Variants in ZNF385D observed in about 807,000 individuals in gnomAD.
The protein encoded by ZNF385D is zinc finger protein 659.
ZNF385D carries 15 observed loss-of-function variants against 35.8 expected under a neutral mutation model. That is an observed-to-expected ratio of 0.42 (90% confidence interval 0.28 to 0.64). ZNF385D has a LOEUF of 0.64. ZNF385D is among the 30% of genes least tolerant of loss of function. The probability of loss-of-function intolerance (pLI) is 0.23; values close to 1 mark genes in which losing one functional copy is unlikely to be tolerated. For synonymous variants in ZNF385D, 212 were observed against 186.8 expected (o/e 1.13, Z -1.10); for missense variants, 474 against 494.6 (o/e 0.96, Z 0.39).
chr3:22,122,577 TA>T (rs1703148084), intron 3 of ZNF385D, among the ~76,000 whole-genome samples: 1 of 152,188 alleles, frequency 6.6e-6, no homozygotes, highest in Admixed American at 6.5e-5. Flanking sequence ...TCTGCATTTG[TA>T]GAGCTTAATT....
chr3:21,962,008 A>G (rs1702623393), intron 3 of ZNF385D, among the ~76,000 whole-genome samples: 2 of 152,170 alleles, frequency 1.3e-5, no homozygotes, highest in Admixed American at 1.3e-4. Flanking sequence ...TAAGGAAGTG[A>G]GCCTTAATCC....
chr3:21,957,920 T>C (rs1236036476), intron 3 of ZNF385D, among the ~76,000 whole-genome samples: 1 of 152,130 alleles, frequency 6.6e-6, no homozygotes, highest in Non-Finnish European at 1.5e-5. Context: ...AATGTACTAA[T>C]GTACCACTAA....
At chr3:21,557,458 G>C (rs985747484) in intron 3 of ZNF385D, among the ~76,000 whole-genome samples, 1 of 152,128 alleles carries the variant, frequency 6.6e-6, no homozygotes, top group Non-Finnish European at 1.5e-5. Flanking sequence ...TTATGTGATA[G>C]GTTACGTATA....
At chr3:21,439,219 AT>A (rs984623247) in intron 4 of ZNF385D, among the ~76,000 whole-genome samples, 73 of 151,276 alleles carry the variant, frequency 4.8e-4, no homozygotes, top group African/African-American at 1.7e-3. Context: ...AGTTAAGAAA[AT>A]TTCCCAAGGA....
At chr3:21,946,637 G>T (rs181536729) in intron 3 of ZNF385D, among the ~76,000 whole-genome samples, 37 of 152,210 alleles carry the variant, frequency 2.4e-4, no homozygotes, top group African/African-American at 8.7e-4. Context: ...TTGGAGACCA[G>T]CCTGGCTAAC....
rs143440188 is a variant in ZNF385D at position 21,818,237 on chromosome 3, A to C, written c.326-153209T>G. Among the ~76,000 whole-genome samples the C allele has an allele frequency of 2.6e-3, 392 of 152,302 alleles. 8 individuals are homozygous for C. The East Asian group carries it at 0.066, about 26-fold the overall frequency. The stretch of plus-strand genomic sequence containing the variant: ...GGAGAAATACCTAATGTAAATGACG[A>C]ATTAATGGGTGCATCACACCAACAT... On this transcript the variant is annotated intron_variant, in intron 3 of 5. Transcript: ENST00000494108.
At chr3:21,507,980 C>T (rs912731234) in intron 4 of ZNF385D, among the ~76,000 whole-genome samples, 3 of 152,092 alleles carry the variant, frequency 2.0e-5, no homozygotes, top group East Asian at 1.9e-4. Context: ...AACTCTTAGC[C>T]TCTCAACCTA....
intron 3 of ZNF385D, among the ~76,000 whole-genome samples, chr3:21,761,307 G>A (rs981286326): frequency 1.3e-5 from 2 of 152,194 alleles, no homozygotes; most frequent in African/African-American, 4.8e-5. Flanking sequence ...TGTGTGAGAT[G>A]TTAAACCTTT....
intron 2 of ZNF385D, among the ~76,000 whole-genome samples, chr3:22,359,521 C>T (rs1696317692): frequency 6.6e-6 from 1 of 151,782 alleles, no homozygotes; most frequent in African/African-American, 2.4e-5. Context: ...ATGACAGGAC[C>T]CTTTTAGGTT....
intron 2 of ZNF385D, among the ~76,000 whole-genome samples, chr3:21,663,544 G>A (rs1229231249): frequency 6.6e-6 from 1 of 152,006 alleles, no homozygotes; most frequent in Non-Finnish European, 1.5e-5. Flanking sequence ...CAAGGAAAGG[G>A]AACCCAGGGG....
chr3:21,662,618 T>G (rs2066273610), intron 2 of ZNF385D, among the ~76,000 whole-genome samples: 1 of 152,180 alleles, frequency 6.6e-6, no homozygotes, highest in South Asian at 2.1e-4. Flanking sequence ...TTCCAACAAT[T>G]CACTTCAGTT....
intron 3 of ZNF385D, among the ~76,000 whole-genome samples, chr3:21,858,391 T>TC (rs1326134400): frequency 2.6e-5 from 4 of 151,876 alleles, no homozygotes; most frequent in Admixed American, 6.6e-5. Flanking sequence ...AATGTTTATG[T>TC]CCCCCCTACC....
intron 3 of ZNF385D, among the ~76,000 whole-genome samples, chr3:22,145,568 A>G (rs1704798075): frequency 6.6e-6 from 1 of 152,222 alleles, no homozygotes; most frequent in Admixed American, 6.5e-5. Flanking sequence ...GGCATTTCCA[A>G]ATTTATGTCT....
At chr3:21,722,168 G>A (rs1443813227) in intron 1 of ZNF385D, among the ~76,000 whole-genome samples, 1 of 151,652 alleles carries the variant, frequency 6.6e-6, no homozygotes, top group Non-Finnish European at 1.5e-5. Context: ...AAGTCCCAAA[G>A]GGGACAAGTA....
chr3:21,884,849 G>C (rs894652420), intron 3 of ZNF385D, among the ~76,000 whole-genome samples: 9 of 152,022 alleles, frequency 5.9e-5, no homozygotes, highest in Non-Finnish European at 1.2e-4. Flanking sequence ...TGATTTATTT[G>C]CTTGTTGATT....
In ZNF385D at chr3:21,779,192, T is replaced by C. The variant is rs533120526; in HGVS notation, c.326-114164A>G. Among the ~76,000 whole-genome samples the C allele has an allele frequency of 8.5e-5, 13 of 152,066 alleles. No individual in the cohort carries two copies. The South Asian group carries it at 2.7e-3, about 31-fold the overall frequency. ...AAAGACAAAGCCACAGACATCAGTG[T>C]CATTAAGACCACTGGGCATTTCAGG... On this transcript the variant is annotated intron_variant, in intron 3 of 5. Transcript: ENST00000494108.
intron 2 of ZNF385D, among the ~76,000 whole-genome samples, chr3:22,308,207 A>C (rs1190177045): frequency 2.0e-5 from 3 of 152,112 alleles, no homozygotes; most frequent in African/African-American, 7.2e-5. Flanking sequence ...ATTATGTTAG[A>C]AAATAGTTTA....
At position 21,414,260 on chromosome 3, in the gene ZNF385D, A is replaced by C. The variant is rs892351363; in HGVS notation, c.*6954T>G. ...AGGAGACCTTAGTTGAAACTGACAT[A>C]AGATTTTTGCTGATAAAATAAATGA... On this transcript the variant is annotated 3_prime_UTR_variant, in exon 8 of 8. Coordinates refer to ENST00000281523, the MANE Select transcript of ZNF385D (RefSeq NM_024697.3). 7 of 152,080 alleles carry C rather than the reference A, an allele frequency of 4.6e-5. No individual in the cohort carries two copies. Among genetic ancestry groups the C allele is most frequent in the African/African-American group, 1.2e-4 (5 of 41,436 alleles). 9.4% of individuals were successfully genotyped at this position (152,080 alleles called of 1,614,324 possible). A position where few individuals can be genotyped will look rare whatever the true frequency, so the allele number is the denominator to read the frequency against.
At chr3:21,475,605 A>G (rs571733800) in intron 4 of ZNF385D, among the ~76,000 whole-genome samples, 1 of 152,250 alleles carries the variant, frequency 6.6e-6, no homozygotes, top group South Asian at 2.1e-4. Context: ...ATTTTCTAAA[A>G]TTGTGTGAAA....
Sources: allele counts gnomAD v4.1 joint callset (sites outside exome capture counted in the v4.1 genomes callset), GRCh38; gene constraint gnomAD v4.1.1; transcripts MANE v1.5; gene names NCBI Gene and HGNC (gene_info 2026-07-23, HGNC 2026-07-21).